The following ANKRD46 variants were observed in gnomAD, a reference collection of about 807,000 sequenced individuals.
ANKRD46 encodes the protein ankyrin repeat domain 46.
ANKRD46 carries 13 observed loss-of-function variants against 19.8 expected under a neutral mutation model. The observed-to-expected ratio is 0.66, with a 90% confidence interval of 0.43 to 1.04. ANKRD46 has a LOEUF of 1.04. ANKRD46 is among the 50% of genes least tolerant of loss of function. The pLI is 0.00. For synonymous variants in ANKRD46, 91 were observed against 106.9 expected (o/e 0.85, Z 0.92); for missense variants, 185 against 274.8 (o/e 0.67, Z 2.31).
downstream of ANKRD46, among the ~76,000 whole-genome samples, chr8:100,518,522 C>A (rs1811669603): frequency 1.3e-5 from 2 of 152,038 alleles, no homozygotes; most frequent in Non-Finnish European, 2.9e-5. Flanking sequence ...TTAATTATCT[C>A]GTGGTTGTAT....
At position 100,550,263 on chromosome 8, in the gene ANKRD46, A is replaced by G. The variant is rs1812357178; in HGVS notation, c.-131+9448T>C. ...AATTGTCTCCCAAAGTAGCTGTACCATTTGGCATTCCCACTAGCAATGAAT... is the reference window on the plus strand; with the variant it reads ...AATTGTCTCCCAAAGTAGCTGTACCGTTTGGCATTCCCACTAGCAATGAAT... On this transcript the variant is annotated intron_variant, in intron 1 of 4. Coordinates refer to ENST00000335659, the MANE Select transcript of ANKRD46 (RefSeq NM_001270377.2). The surrounding 1 kb of genome is among the most constrained non-coding windows in gnomAD (Gnocchi z 4.4). 6.6e-6 allele frequency among the ~76,000 whole-genome samples: 1 copy of G among 152,224 alleles called. No individual in the cohort carries two copies. The highest frequency in any genetic ancestry group is 2.4e-5 in the African/African-American group (1 of 41,458).
At chr8:100,512,171 G>GT (rs1811558953) in intron 5 of ANKRD46, among the ~76,000 whole-genome samples, 4 of 152,244 alleles carry the variant, frequency 2.6e-5, no homozygotes. Context: ...TGCATTCTGA[G>GT]TAAGGTCAGG....
rs567604340 is a variant in ANKRD46, at chr8:100,551,925, G to A, written c.-131+7786C>T. On this transcript the variant is annotated intron_variant, in intron 1 of 4. Coordinates refer to ENST00000335659, the MANE Select transcript of ANKRD46 (RefSeq NM_001270377.2). The stretch of plus-strand genomic sequence containing the variant: ...AGCACTTTGGGAGGCCAAGGTGGGC[G>A]GATCACCTGAGGTCAGGAGTTCAAG... Among the ~76,000 whole-genome samples, 9 of 152,226 alleles carry A rather than the reference G, an allele frequency of 5.9e-5. No homozygotes were observed. The South Asian group carries it at 8.3e-4, about 14-fold the overall frequency.
intron 1 of ANKRD46, among the ~76,000 whole-genome samples, chr8:100,535,914 G>A (rs2469650): frequency 0.095 from 14,531 of 152,166 alleles, 895 homozygotes; most frequent in Middle Eastern, 0.16. Flanking sequence ...GGTCAGGAGA[G>A]CAACTAGTGA....
At position 100,550,753 on chromosome 8, in the gene ANKRD46, C is replaced by A; in HGVS notation, c.-131+8958G>T. The A allele has an allele frequency of 2.3e-6, 1 of 442,368 alleles. No individual in the cohort carries two copies. The highest frequency in any genetic ancestry group is 4.4e-6 in the Non-Finnish European group (1 of 226,552). The allele number at this position is 442,368 out of a possible 1,614,324, so 27.4% of individuals were successfully genotyped here. A position where few individuals can be genotyped will look rare whatever the true frequency, so the allele number is the denominator to read the frequency against. ...TCCTTGGAGGCCATATGGGCCACCA[C>A]CCTGTTGCTGTAGCCAAATTCACTG... is the stretch of plus-strand genomic sequence containing the variant. On this transcript the variant is annotated intron_variant, in intron 1 of 4. Transcript: ENST00000335659. The surrounding 1 kb of genome is among the most constrained non-coding windows in gnomAD (Gnocchi z 4.4).
Position 100,527,211 on chromosome 8 carries a change from A to C in ANKRD46, c.470+634T>G, listed in dbSNP as rs1811858654. Among the ~76,000 whole-genome samples, 1 of 152,210 alleles carries C rather than the reference A, an allele frequency of 6.6e-6. No homozygotes were observed. On this transcript the variant is annotated intron_variant, in intron 4 of 4. Transcript: ENST00000335659. The surrounding 1 kb of genome is among the most constrained non-coding windows in gnomAD (Gnocchi z 4.0). ...TACCACATCTTAGCTTCGATTACTC[A>C]CAGGAATCCAAATTTCATTAGCTCC...
chr8:100,533,088 C>G (rs1240805053), intron 2 of ANKRD46, 121 bp downstream of exon 2: 1 of 152,114 alleles, frequency 6.6e-6, no homozygotes, highest in East Asian at 1.9e-4. Flanking sequence ...AAACTTAATC[C>G]CACATTTAAT....
Position 100,524,310 on chromosome 8 carries a change from T to C in ANKRD46, c.471-1539A>G, listed in dbSNP as rs186026083. 6.6e-6 allele frequency among the ~76,000 whole-genome samples: 1 copy of C among 152,340 alleles called. No individual in the cohort carries two copies. Among genetic ancestry groups the C allele is most frequent in the Admixed American group, 6.5e-5 (1 of 15,304 alleles). ...TCATTACTATCCTTCCTAACTCCCATAAAACAGTATCTTAGAGTCTCATTC... is the reference window on the plus strand; with the variant it reads ...TCATTACTATCCTTCCTAACTCCCACAAAACAGTATCTTAGAGTCTCATTC... On this transcript the variant is annotated intron_variant, in intron 4 of 4. Transcript: ENST00000335659. This position sits in a 1 kb window ranked among gnomAD's most constrained non-coding sequence, Gnocchi z 4.3.
chr8:100,554,871 A>G (rs1366870393), intron 1 of ANKRD46, among the ~76,000 whole-genome samples: 2 of 151,958 alleles, frequency 1.3e-5, no homozygotes, highest in Non-Finnish European at 2.9e-5. Context: ...ATCTCCACTA[A>G]AAATACAAAA....
chr8:100,515,300 T>C (rs1811612001), intron 5 of ANKRD46, among the ~76,000 whole-genome samples: 1 of 152,200 alleles, frequency 6.6e-6, no homozygotes, highest in Non-Finnish European at 1.5e-5. Context: ...TGCCTGCTCT[T>C]GAAACCCCGG....
downstream of ANKRD46, among the ~76,000 whole-genome samples, chr8:100,518,868 T>A (rs62515181): frequency 9.4e-4 from 47 of 49,908 alleles, no homozygotes; most frequent in South Asian, 2.3e-3. Context: ...AAAAAATAAA[T>A]AAAATAAAAA....
In ANKRD46 at chr8:100,527,909, C is replaced by T. The variant is rs1270921825; in HGVS notation, c.406G>A (p.Val136Met). 2.5e-6 allele frequency: 4 copies of T among 1,613,524 alleles called. No homozygotes were observed. Among genetic ancestry groups the T allele is most frequent in the Admixed American group, 3.3e-5 (2 of 59,930 alleles). The change falls in exon 4 of 5, where the codon GTG (valine) becomes ATG (methionine). Residue 136 changes from valine to methionine, a missense_variant. Transcript: ENST00000335659. This position sits in a 1 kb window ranked among gnomAD's most constrained non-coding sequence, Gnocchi z 4.0. ...RLLESLEEQE[V>M]KGFNRGTHSK... Reference sequence around the variant, plus strand: ...TGGGTTCCTCTGTTAAATCCTTTCACCTCCTGTTCTTCCAAAGATTCCAGC... The same window carrying T: ...TGGGTTCCTCTGTTAAATCCTTTCATCTCCTGTTCTTCCAAAGATTCCAGC...
At position 100,534,862 on chromosome 8, in the gene ANKRD46, G is replaced by A. The variant is rs1347624125; in HGVS notation, c.-130-1551C>T. ...TCGACTCACCTGCAGAGGCCTCCGC[G>A]TTCAAGCAATTATCCTGCCTCAGCC... On this transcript the variant is annotated intron_variant, in intron 1 of 4. Transcript: ENST00000335659. The surrounding 1 kb of genome is among the most constrained non-coding windows in gnomAD (Gnocchi z 4.2). Among the ~76,000 whole-genome samples the A allele has an allele frequency of 5.9e-5, 9 of 152,168 alleles. No homozygotes were observed. Among genetic ancestry groups the A allele is most frequent in the African/African-American group, 1.4e-4 (6 of 41,438 alleles).
chr8:100,555,722 T>TAAAAAAAAA lies in ANKRD46; in HGVS notation c.-131+3980_-131+3988dup, dbSNP rs59521764. ...GCACCAACTTAATATTTTCCTCAGC[T>TAAAAAAAAA]AAAAAAAAAAAAAAAAAAAAAAAAA... On this transcript the variant is annotated intron_variant, in intron 1 of 4. Transcript: ENST00000335659. Among the ~76,000 whole-genome samples the TAAAAAAAAA allele has an allele frequency of 1.4e-3, 77 of 53,306 alleles. 10 individuals are homozygous for TAAAAAAAAA. The highest frequency in any genetic ancestry group is 3.0e-3 in the East Asian group (3 of 1,010). The allele number at this position is 53,306 out of a possible 152,430, so 35.0% of individuals were successfully genotyped here.
chr8:100,539,792 T>C (rs1812138510), intron 1 of ANKRD46, among the ~76,000 whole-genome samples: 1 of 152,212 alleles, frequency 6.6e-6, no homozygotes, highest in Admixed American at 6.5e-5. Flanking sequence ...CTCATACCTA[T>C]AATCCCAGCA....
Position 100,525,586 on chromosome 8 carries a change from A to G in ANKRD46, c.470+2259T>C, listed in dbSNP as rs922560356. Among the ~76,000 whole-genome samples, 1 of 152,320 alleles carries G rather than the reference A, an allele frequency of 6.6e-6. No homozygotes were observed. The highest frequency in any genetic ancestry group is 1.5e-5 in the Non-Finnish European group (1 of 68,034). On this transcript the variant is annotated intron_variant, in intron 4 of 4. Coordinates refer to ENST00000335659, the MANE Select transcript of ANKRD46 (RefSeq NM_001270377.2). This position sits in a 1 kb window ranked among gnomAD's most constrained non-coding sequence, Gnocchi z 4.4. ...ATGCTGTAGCATGTATCAGTATAAT[A>G]TAATAATATTAGTAATATTCCATTG... is the stretch of plus-strand genomic sequence containing the variant.
In ANKRD46 at chr8:100,534,527, C is replaced by T. The variant is rs1812025244; in HGVS notation, c.-130-1216G>A. ...AAGCCTAATATTTTTCCTCTCTTGT[C>T]CTGACCTCTAGAGCTGAGTCTTTAA... On this transcript the variant is annotated intron_variant, in intron 1 of 4. Coordinates refer to ENST00000335659, the MANE Select transcript of ANKRD46 (RefSeq NM_001270377.2). This position sits in a 1 kb window ranked among gnomAD's most constrained non-coding sequence, Gnocchi z 4.2. Among the ~76,000 whole-genome samples the T allele has an allele frequency of 6.6e-6, 1 of 152,184 alleles. No individual in the cohort carries two copies.
intron 5 of ANKRD46, among the ~76,000 whole-genome samples, chr8:100,515,263 T>TAA (rs1321057123): frequency 6.6e-6 from 1 of 152,192 alleles, no homozygotes; most frequent in Non-Finnish European, 1.5e-5. Context: ...GTACTGTGAC[T>TAA]AGCCAGTACA....
At chr8:100,555,197 G>A (rs974816946) in intron 1 of ANKRD46, among the ~76,000 whole-genome samples, 2 of 151,700 alleles carry the variant, frequency 1.3e-5, no homozygotes, top group Non-Finnish European at 2.9e-5. Context: ...AAAACCTTCA[G>A]TAGAATGGTA....
Sources: gnomAD v4.1 joint callset for allele counts (sites outside exome capture counted in the v4.1 genomes callset) on GRCh38, gnomAD v4.1.1 for gene constraint, Gnocchi (gnomAD v3.1) non-coding constraint, MANE v1.5 for transcripts, NCBI Gene and HGNC (gene_info 2026-07-23, HGNC 2026-07-21) for gene names.